RC3H2: variants seen among roughly 807,000 people sequenced by gnomAD.
RC3H2 encodes the protein roquin-2.
In RC3H2, 31 loss-of-function variants were observed where a neutral mutation model predicts 133.3. The ratio of observed to expected loss-of-function variants is 0.23; its 90% CI spans 0.17 to 0.31. The LOEUF (loss-of-function observed/expected upper bound fraction) is 0.31. Ranked by LOEUF, RC3H2 falls within the 10% of genes least tolerant of loss-of-function variation. The probability of loss-of-function intolerance (pLI) is 1.00; values close to 1 mark genes in which losing one functional copy is unlikely to be tolerated. For missense variants in RC3H2, 1,175 were observed against 1,437.2 expected (o/e 0.82, Z 2.95); for synonymous variants, 517 against 502.2 (o/e 1.03, Z -0.40).
intron 9 of RC3H2, among the ~76,000 whole-genome samples, 180 bp from the exon 10 acceptor site, chr9:122,865,837 A>G (rs1830623885): frequency 6.6e-6 from 1 of 152,232 alleles, no homozygotes. Flanking sequence ...ATGCCACATG[A>G]AAATATATAT....
intron 18 of RC3H2, 75 bp downstream of exon 18, chr9:122,853,877 G>A (rs1830144681): frequency 6.2e-7 from 1 of 1,613,864 alleles, no homozygotes; most frequent in South Asian, 1.1e-5. Flanking sequence ...AATGCACTCA[G>A]TAATGGTATA....
intron 2 of RC3H2, among the ~76,000 whole-genome samples, chr9:122,895,985 T>G (rs1564319852): frequency 6.6e-6 from 1 of 150,456 alleles, no homozygotes; most frequent in Non-Finnish European, 1.5e-5. Context: ...GCACATGTTC[T>G]TTTTTTTTTC....
chr9:122,850,540 T>G (rs1174914417), intron 20 of RC3H2, among the ~76,000 whole-genome samples: 1 of 151,942 alleles, frequency 6.6e-6, no homozygotes, highest in African/African-American at 2.4e-5. Flanking sequence ...CCTCCCGGGT[T>G]CAAGCGATTC....
chr9:122,849,060 A>G lies in RC3H2; in HGVS notation c.*567T>C, dbSNP rs746195505. On this transcript the variant is annotated 3_prime_UTR_variant, in exon 21 of 21. Transcript: ENST00000357244. Reference sequence around the variant, plus strand: ...ATAATGCAGTAAAGAATGCTAGTATATAACCCTGTAAAATTCTATGGTAAG... The same window carrying G: ...ATAATGCAGTAAAGAATGCTAGTATGTAACCCTGTAAAATTCTATGGTAAG... The G allele has an allele frequency of 2.0e-5, 3 of 152,198 alleles. No homozygotes were observed. The highest frequency in any genetic ancestry group is 7.2e-5 in the African/African-American group (3 of 41,454). 9.4% of individuals were successfully genotyped at this position (152,198 alleles called of 1,614,324 possible).
intron 6 of RC3H2, 77 bp downstream of exon 6, chr9:122,880,515 GTA>G: frequency 9.0e-7 from 1 of 1,105,944 alleles, no homozygotes. Flanking sequence ...AACTGTTTGT[GTA>G]TAGACTCTTT....
intron 9 of RC3H2, among the ~76,000 whole-genome samples, chr9:122,871,505 G>GT (rs1289671103): frequency 7.4e-6 from 1 of 135,772 alleles, no homozygotes; most frequent in African/African-American, 2.9e-5. Context: ...CACCGTGTTA[G>GT]TGGGGGGGGG....
At position 122,860,099 on chromosome 9, in the gene RC3H2, C is replaced by T. The variant is rs1253181556; in HGVS notation, c.1667G>A (p.Ser556Asn). ...KIGSPPKTPV[S>N]NVAATSAGPS... ...CCCAGCTGAGGTAGCTGCTACATTA[C>T]TTACAGGAGTCTTGGGTGGAGAACC... The change falls in exon 11 of 21, where the codon AGT becomes AAT. Residue 556 changes from serine (S) to asparagine (N), a missense_variant. Physicochemically the swap from Ser to Asn is conservative, Grantham distance 46. Transcript: ENST00000357244. 1.9e-6 allele frequency: 3 copies of T among 1,614,114 alleles called. No homozygotes were observed. Among genetic ancestry groups the T allele is most frequent in the East Asian group, 2.2e-5 (1 of 44,868 alleles).
At position 122,897,121 on chromosome 9, in the gene RC3H2, AT is replaced by A. The variant is rs531640032; in HGVS notation, c.231+157del. ...AACATAAACATAAATCACAAAAAAA[AT>A]CTCACAATGTTTTAAGGAAGTTTAT... On this transcript the variant is annotated intron_variant, in intron 2 of 20. Transcript: ENST00000357244. Among the ~76,000 whole-genome samples the A allele has an allele frequency of 7.9e-5, 12 of 152,204 alleles. No individual in the cohort carries two copies. The South Asian group carries it at 1.7e-3, about 21-fold the overall frequency.
intron 14 of RC3H2, 120 bp downstream of exon 14, chr9:122,855,612 G>T (rs893725511): frequency 1.7e-6 from 2 of 1,148,704 alleles, no homozygotes; most frequent in Non-Finnish European, 2.5e-6. Flanking sequence ...ATATAACCCT[G>T]CTGCTACTGA....
intron 4 of RC3H2, among the ~76,000 whole-genome samples, chr9:122,888,759 G>T (rs1564313803): frequency 6.6e-6 from 1 of 152,222 alleles, no homozygotes; most frequent in African/African-American, 2.4e-5. Flanking sequence ...GTTGTTTCCA[G>T]ATGTTTGCTA....
intron 9 of RC3H2, chr9:122,875,064 G>A: frequency 8.5e-7 from 1 of 1,170,458 alleles, no homozygotes; most frequent in Non-Finnish European, 1.1e-6. Flanking sequence ...TTCAGGTATG[G>A]ACAAGCTGAA....
At chr9:122,871,795 G>A (rs747561637) in intron 9 of RC3H2, among the ~76,000 whole-genome samples, 42 of 151,850 alleles carry the variant, frequency 2.8e-4, no homozygotes, top group East Asian at 1.4e-3. Context: ...GTAAGCCCCC[G>A]GAGGACAAGA....
chr9:122,858,921 C>A lies in RC3H2; in HGVS notation c.2031G>T (p.Pro677=). The change falls in exon 12 of 21, where the codon CCG becomes CCT. Residue 677 remains proline, a synonymous_variant. Transcript: ENST00000357244. ...MNSSPYQPPP[P]QPYGPVPPVP... ...CTGGAGGAACTGGTCCATACGGCTGCGGAGGAGGAGGCTGGTAAGGAGAAG... is the reference window on the plus strand; with the variant it reads ...CTGGAGGAACTGGTCCATACGGCTGAGGAGGAGGAGGCTGGTAAGGAGAAG... 1 of 1,614,068 alleles carries A rather than the reference C, an allele frequency of 6.2e-7. No individual in the cohort carries two copies. Among genetic ancestry groups the A allele is most frequent in the Non-Finnish European group, 8.5e-7 (1 of 1,180,010 alleles).
rs368828068 is a variant in RC3H2, at chr9:122,857,930, C to A, written c.2447G>T (p.Arg816Leu). Residue 816 changes from arginine to leucine, a missense_variant, in exon 13 of 21, where the codon CGT becomes CTT. Physicochemically the swap from Arg to Leu is moderately radical, Grantham distance 102. Transcript: ENST00000357244. ...AATTAAAACCTTTCTTACATCCGCA[C>A]GAAAGTCTACACTGAACAGAGGAGA... is the stretch of plus-strand genomic sequence containing the variant. ...PPSPLFSVDF[R>L]ADFSESVSGT... 4 of 1,612,430 alleles carry A rather than the reference C, an allele frequency of 2.5e-6. No individual in the cohort carries two copies. The highest frequency in any genetic ancestry group is 2.2e-5 in the East Asian group (1 of 44,866).
intron 4 of RC3H2, among the ~76,000 whole-genome samples, chr9:122,888,709 A>C (rs1832035783): frequency 6.6e-6 from 1 of 152,198 alleles, no homozygotes; most frequent in Non-Finnish European, 1.5e-5. Context: ...GATATACCAC[A>C]GTTTATTATA....
intron 9 of RC3H2, among the ~76,000 whole-genome samples, chr9:122,876,624 C>A (rs1330861478): frequency 6.8e-6 from 1 of 147,834 alleles, no homozygotes; most frequent in African/African-American, 2.5e-5. Context: ...CAAGACTCCA[C>A]CTCAAAAAAA....
intron 9 of RC3H2, among the ~76,000 whole-genome samples, chr9:122,868,197 A>C (rs1234804360): frequency 4.6e-5 from 7 of 151,110 alleles, no homozygotes; most frequent in Admixed American, 3.3e-4. Flanking sequence ...CCTACTGGGA[A>C]GTGAGGAGCC....
intron 9 of RC3H2, among the ~76,000 whole-genome samples, chr9:122,869,204 C>T (rs1830941807): frequency 6.6e-6 from 1 of 151,978 alleles, no homozygotes. Flanking sequence ...CCATGCCTGG[C>T]CCCTACAACA....
chr9:122,897,191 T>C (rs991855530), intron 2 of RC3H2, 88 bp downstream of exon 2: 39 of 1,145,190 alleles, frequency 3.4e-5, no homozygotes, highest in Middle Eastern at 4.1e-4. Flanking sequence ...GGGCCACATG[T>C]AGCCTGCAGG....
Sources: gnomAD v4.1 joint callset for allele counts (sites outside exome capture counted in the v4.1 genomes callset) on GRCh38, gnomAD v4.1.1 for gene constraint, MANE v1.5 for transcripts, NCBI Gene and HGNC (gene_info 2026-07-23, HGNC 2026-07-21) for gene names.